Variants in DET1 observed in about 807,000 individuals in gnomAD.
DET1 encodes DET1 partner of COP1 E3 ubiquitin ligase.
Under a neutral mutation model 43.7 loss-of-function variants are expected in DET1, and 22 were observed. The ratio of observed to expected loss-of-function variants is 0.50; its 90% confidence interval spans 0.36 to 0.72. The LOEUF (loss-of-function observed/expected upper bound fraction) is 0.72, where lower values mean the gene tolerates loss of function less well. DET1 is among the 30% of genes least tolerant of loss of function. The pLI is 0.00. For missense variants in DET1, 713 were observed against 713.3 expected, an observed-to-expected ratio of 1.00 and a Z score of 0.00; for synonymous variants, 315 against 266.2, an observed-to-expected ratio of 1.18 and a Z score of -1.79.
chr15:88,527,369 C>CT (rs1343804458), intron 3 of DET1, among the ~76,000 whole-genome samples: 4 of 152,242 alleles, frequency 2.6e-5, no homozygotes, highest in African/African-American at 9.6e-5. Flanking sequence ...GACACAGCCT[C>CT]TGTCTTTCTG....
At chr15:88,541,608 G>A (rs1274153412) in intron 1 of DET1, among the ~76,000 whole-genome samples, 2 of 152,166 alleles carry the variant, frequency 1.3e-5, no homozygotes, top group Non-Finnish European at 2.9e-5. Flanking sequence ...GTTTGGAGTT[G>A]GGTGGCCCTC....
intron 1 of DET1, among the ~76,000 whole-genome samples, chr15:88,544,242 A>T (rs930242978): frequency 2.6e-5 from 4 of 152,206 alleles, no homozygotes; most frequent in African/African-American, 9.7e-5. Flanking sequence ...GGTAGAACAC[A>T]TGAACCGCAC....
At chr15:88,527,897 AAC>A in intron 2 of DET1, 111 bp from the exon 3 acceptor site, 1 of 473,974 alleles carries the variant, frequency 2.1e-6, no homozygotes, top group Admixed American at 5.2e-5. Context: ...TTCCAAAAAC[AAC>A]AACAACAACA....
At position 88,524,308 on chromosome 15, in the gene DET1, G is replaced by A. The variant is rs554963885; in HGVS notation, c.1271+3291C>T. Among the ~76,000 whole-genome samples the A allele has an allele frequency of 8.8e-4, 134 of 151,920 alleles. No individual in the cohort carries two copies. The South Asian group carries it at 0.021, about 24-fold the overall frequency. Reference sequence around the variant, plus strand: ...CCGCCCCATCTGGGAAGTGAGGAGCGTCTCCGCCCAGCAGCTGCCCAGTCC... The same window carrying A: ...CCGCCCCATCTGGGAAGTGAGGAGCATCTCCGCCCAGCAGCTGCCCAGTCC... On this transcript the variant is annotated intron_variant, in intron 3 of 4. Coordinates refer to ENST00000268148, the MANE Select transcript of DET1 (RefSeq NM_001144074.3).
At chr15:88,518,490 A>G (rs2056406971) in intron 3 of DET1, among the ~76,000 whole-genome samples, 1 of 152,204 alleles carries the variant, frequency 6.6e-6, no homozygotes, top group South Asian at 2.1e-4. Flanking sequence ...ATGGCTAAAA[A>G]CACAAAGAAA....
rs1354018185 is a variant in DET1, at chr15:88,512,930, A to T, written c.*21T>A. ...GTGGCAAAGTCTTGGAAGACCAGAT[A>T]ATCTGGCTCTGGTGAGGCACCTACG... On this transcript the variant is annotated 3_prime_UTR_variant, in exon 5 of 5. Transcript: ENST00000268148. 6.2e-7 allele frequency: 1 copy of T among 1,609,398 alleles called. No individual in the cohort carries two copies. Among genetic ancestry groups the T allele is most frequent in the East Asian group, 2.2e-5 (1 of 44,760 alleles).
In DET1 at chr15:88,516,256, A is replaced by T. The variant is rs971475407; in HGVS notation, c.1463+526T>A. Among the ~76,000 whole-genome samples the T allele has an allele frequency of 3.3e-5, 5 of 152,208 alleles. No homozygotes were observed. The highest frequency in any genetic ancestry group is 1.2e-4 in the African/African-American group (5 of 41,440). ...AGTGACAGTTGGGTCTGTGAACTAG[A>T]CTTCTGTGAGGAAAGAATTTCTTGT... On this transcript the variant is annotated intron_variant, in intron 4 of 4. Coordinates refer to ENST00000268148, the MANE Select transcript of DET1 (RefSeq NM_001144074.3). This position sits in a 1 kb window ranked among gnomAD's most constrained non-coding sequence, Gnocchi z 4.4.
Position 88,531,854 on chromosome 15 carries a change from T to G in DET1, c.-10-139A>C. The G allele has an allele frequency of 2.5e-6, 2 of 785,358 alleles. No homozygotes were observed. The highest frequency in any genetic ancestry group is 2.0e-6 in the Non-Finnish European group (1 of 508,196). The allele number at this position is 785,358 out of a possible 1,614,324, so 48.6% of individuals were successfully genotyped here. On this transcript the variant is annotated intron_variant, in intron 1 of 4. Coordinates refer to ENST00000268148, the MANE Select transcript of DET1 (RefSeq NM_001144074.3). The surrounding 1 kb of genome is among the most constrained non-coding windows in gnomAD (Gnocchi z 6.2). ...AGATGACAGTGACTGGCATTACTAC[T>G]TCCCAGATTATACTGAGTAAGTGGT...
exon 8 of DET1, chr15:88,503,986 C>A (rs2056113170): frequency 1.8e-5 from 2 of 110,712 alleles, no homozygotes; most frequent in African/African-American, 3.8e-5. Context: ...CAGAAGGAGA[C>A]CCTGTCTTAA....
chr15:88,507,904 A>G (rs1396750696), downstream of DET1, among the ~76,000 whole-genome samples: 5 of 152,186 alleles, frequency 3.3e-5, no homozygotes, highest in African/African-American at 4.8e-5. Flanking sequence ...GCAGGAGGTG[A>G]GTGGTGGGCA....
At chr15:88,537,672 A>G (rs1252708894) in intron 1 of DET1, among the ~76,000 whole-genome samples, 1 of 152,162 alleles carries the variant, frequency 6.6e-6, no homozygotes, top group Non-Finnish European at 1.5e-5. Context: ...CGCAAACACT[A>G]TATTCTGTAT....
chr15:88,516,835 GTCA>G lies in DET1; in HGVS notation c.1407_1409del (p.Asp470del), dbSNP rs750696366. 6.2e-7 allele frequency: 1 copy of G among 1,609,652 alleles called. No individual in the cohort carries two copies. ...GCCGCTCCATGACAGATACCCACTT[GTCA>G]TCATAACTGAAGAGAGACAAATCCA... On this transcript the variant is annotated inframe_deletion, in exon 4 of 5. Coordinates refer to ENST00000268148, the MANE Select transcript of DET1 (RefSeq NM_001144074.3). The surrounding 1 kb of genome is among the most constrained non-coding windows in gnomAD (Gnocchi z 4.4).
chr15:88,516,877 G>A lies in DET1; in HGVS notation c.1368C>T (p.Ser456=), dbSNP rs778791316. The A allele has an allele frequency of 2.5e-5, 40 of 1,611,176 alleles. 1 individual carries two copies. Among genetic ancestry groups the A allele is most frequent in the Admixed American group, 1.2e-4 (7 of 59,528 alleles). The change falls in exon 4 of 5, where the codon AGC becomes AGT. Residue 456 remains serine (S), a synonymous_variant. Transcript: ENST00000268148. This position sits in a 1 kb window ranked among gnomAD's most constrained non-coding sequence, Gnocchi z 4.4. The part of the protein sequence containing the change: ...GQLPISAQSY[S]GSPYLDLSLF... ...GAGACAAATCCAGATAGGGGCTACC[G>A]CTGTAAGACTGAGCACTGATGGGGA...
At chr15:88,538,729 G>C (rs2057016699) in intron 1 of DET1, among the ~76,000 whole-genome samples, 1 of 152,108 alleles carries the variant, frequency 6.6e-6, no homozygotes, top group Non-Finnish European at 1.5e-5. Context: ...GGCTCAGAGG[G>C]GGTTACCACC....
At chr15:88,546,095 G>A (rs1381905654) in intron 1 of DET1, 2 of 151,904 alleles carry the variant, frequency 1.3e-5, no homozygotes, top group Non-Finnish European at 2.9e-5. Flanking sequence ...CTAAACCAAG[G>A]TATAAAAGTT....
rs960091623 is a variant in DET1, at chr15:88,536,647, G to A, written c.-10-4932C>T. On this transcript the variant is annotated intron_variant, in intron 1 of 4. Coordinates refer to ENST00000268148, the MANE Select transcript of DET1 (RefSeq NM_001144074.3). ...ACAAAAATTAGCTGGGCATGGTGGC[G>A]GGGACTCCAGCTACACAGGAGGCTG... 1.3e-4 allele frequency among the ~76,000 whole-genome samples: 19 copies of A among 151,210 alleles called. No individual in the cohort carries two copies. In the South Asian group the frequency reaches 1.3e-3, roughly 10 times the overall value.
chr15:88,530,964 C>A lies in DET1; in HGVS notation c.742G>T (p.Gly248Cys), dbSNP rs765442473. The A allele has an allele frequency of 1.2e-6, 2 of 1,613,992 alleles. No homozygotes were observed. Among genetic ancestry groups the A allele is most frequent in the Non-Finnish European group, 1.7e-6 (2 of 1,179,874 alleles). ...TIHVFQVTPE[G>C]TFIDVRTIGR... ...ATGGTCCGCACATCAATGAAAGTGC[C>A]TTCAGGAGTCACCTGGAAGACATGG... The change falls in exon 2 of 5, where the codon GGC becomes TGC. Residue 248 changes from glycine to cysteine, a missense_variant. Transcript: ENST00000268148.
chr15:88,535,090 C>G (rs569087654), intron 1 of DET1, among the ~76,000 whole-genome samples: 4 of 152,252 alleles, frequency 2.6e-5, no homozygotes, highest in African/African-American at 9.6e-5. Context: ...AAAGTCTCAG[C>G]TAAGAAACAG....
At chr15:88,533,999 C>CTT (rs1043063937) in intron 1 of DET1, among the ~76,000 whole-genome samples, 1 of 151,518 alleles carries the variant, frequency 6.6e-6, no homozygotes, top group Non-Finnish European at 1.5e-5. Context: ...ATGGGTTAGA[C>CTT]TTTTCAGATT....
Sources: gnomAD v4.1 joint callset for allele counts (sites outside exome capture counted in the v4.1 genomes callset) on GRCh38, gnomAD v4.1.1 for gene constraint, Gnocchi (gnomAD v3.1) non-coding constraint, MANE v1.5 for transcripts, NCBI Gene and HGNC (gene_info 2026-07-23, HGNC 2026-07-21) for gene names.